Variants in AGBL4 observed in about 807,000 individuals in gnomAD.
AGBL4 encodes the protein AGBL carboxypeptidase 4.
Under a neutral mutation model 66.4 loss-of-function variants are expected in AGBL4, and 58 were observed. The ratio of observed to expected loss-of-function variants is 0.87; its 90% confidence interval spans 0.71 to 1.09. AGBL4 has a LOEUF of 1.09. Among genes scored for constraint, AGBL4 ranks in the 50% least tolerant of loss-of-function variants. The probability of loss-of-function intolerance (pLI) is 0.00; values close to 1 mark genes in which losing one functional copy is unlikely to be tolerated. For synonymous variants in AGBL4, 234 were observed against 222.9 expected, an observed-to-expected ratio of 1.05 and a Z score of -0.44; for missense variants, 579 against 631.0, an observed-to-expected ratio of 0.92 and a Z score of 0.88.
chr1:49,759,392 C>T (rs1362961162), intron 2 of AGBL4, among the ~76,000 whole-genome samples: 1 of 152,138 alleles, frequency 6.6e-6, no homozygotes, highest in Non-Finnish European at 1.5e-5. Flanking sequence ...TTAAGGTCAT[C>T]AAAAATAAAA....
rs1324496930 is a variant in AGBL4, at chr1:49,576,229, C to A, written c.282+121084G>T. 2.0e-5 allele frequency among the ~76,000 whole-genome samples: 3 copies of A among 152,184 alleles called. No individual in the cohort carries two copies. The South Asian group carries it at 6.2e-4, about 31-fold the overall frequency. On this transcript the variant is annotated intron_variant, in intron 3 of 13. Transcript: ENST00000371839. ...CACATTTGGGTTTGTTACTCTGCCC[C>A]ATTTATTGAGTAACAGAAAATGCTG...
At position 49,720,170 on chromosome 1, in the gene AGBL4, AAAAATGC is replaced by A. The variant is rs1336648360; in HGVS notation, c.158-22740_158-22734del. 2.0e-3 allele frequency among the ~76,000 whole-genome samples: 312 copies of A among 152,222 alleles called. 4 individuals carry two copies. The highest frequency in any genetic ancestry group is 7.0e-3 in the African/African-American group (290 of 41,550). ...ATTATAGGTTGAGCATCCCAAATATAAAAATGCAAAATCCAAAATCCAAAATCCAAAA... is the reference window on the plus strand; with the variant it reads ...ATTATAGGTTGAGCATCCCAAATATAAAAATCCAAAATCCAAAATCCAAAA... On this transcript the variant is annotated intron_variant, in intron 2 of 13. Coordinates refer to ENST00000371839, the MANE Select transcript of AGBL4 (RefSeq NM_032785.4).
chr1:49,196,776 T>G (rs1478899193), intron 4 of AGBL4, among the ~76,000 whole-genome samples: 1 of 152,068 alleles, frequency 6.6e-6, no homozygotes, highest in East Asian at 1.9e-4. Flanking sequence ...TTATAATGTA[T>G]TTTTTGTTTG....
At chr1:49,320,700 G>A (rs1008202911) in intron 3 of AGBL4, among the ~76,000 whole-genome samples, 7 of 152,142 alleles carry the variant, frequency 4.6e-5, no homozygotes, top group African/African-American at 1.4e-4. Flanking sequence ...TGGCTTTGAG[G>A]AGCGTGACTC....
chr1:49,083,253 ACT>A (rs1644839058), intron 4 of AGBL4, among the ~76,000 whole-genome samples: 1 of 151,860 alleles, frequency 6.6e-6, no homozygotes, highest in African/African-American at 2.4e-5. Context: ...CCCAGTGGGG[ACT>A]CTGCGTTGGG....
chr1:48,592,294 GAAGAA>G (rs1169822261), intron 9 of AGBL4, among the ~76,000 whole-genome samples: 1 of 152,192 alleles, frequency 6.6e-6, no homozygotes, highest in Non-Finnish European at 1.5e-5. Flanking sequence ...TCCTGGGAAA[GAAGAA>G]AAGTGCACAT....
chr1:49,272,154 G>A (rs777819462), intron 3 of AGBL4, among the ~76,000 whole-genome samples: 30 of 152,096 alleles, frequency 2.0e-4, no homozygotes, highest in African/African-American at 4.6e-4. Context: ...TCTTTATAAC[G>A]GAGTAAAATA....
intron 3 of AGBL4, among the ~76,000 whole-genome samples, chr1:49,444,588 T>C (rs1296024437): frequency 6.6e-6 from 1 of 152,044 alleles, no homozygotes; most frequent in Non-Finnish European, 1.5e-5. Context: ...TTACAAGTAT[T>C]GCTACTCCTG....
chr1:49,849,414 AT>A lies in AGBL4; in HGVS notation c.157+1981del, dbSNP rs1225620335. 1.5e-3 allele frequency among the ~76,000 whole-genome samples: 188 copies of A among 125,968 alleles called. 2 individuals carry two copies. The highest frequency in any genetic ancestry group is 4.4e-3 in the Middle Eastern group (1 of 228). The allele number at this position is 125,968 out of a possible 152,430, so 82.6% of individuals were successfully genotyped here. ...CTAATTTATTATTATTATTATTATT[AT>A]TATTATTATTATTATTATGTATATT... On this transcript the variant is annotated intron_variant, in intron 2 of 13. Coordinates refer to ENST00000371839, the MANE Select transcript of AGBL4 (RefSeq NM_032785.4).
chr1:49,619,294 C>A (rs548353086), intron 3 of AGBL4, among the ~76,000 whole-genome samples: 1 of 152,086 alleles, frequency 6.6e-6, no homozygotes, highest in African/African-American at 2.4e-5. Context: ...AACCAATGTG[C>A]AAAAACCACA....
intron 6 of AGBL4, among the ~76,000 whole-genome samples, chr1:48,818,872 T>C (rs777811420): frequency 6.6e-6 from 1 of 152,154 alleles, no homozygotes; most frequent in African/African-American, 2.4e-5. Flanking sequence ...CATATATTGA[T>C]TGGCAAGCAG....
intron 6 of AGBL4, among the ~76,000 whole-genome samples, chr1:48,670,710 C>T (rs1241683884): frequency 6.6e-6 from 1 of 152,200 alleles, no homozygotes; most frequent in Non-Finnish European, 1.5e-5. Flanking sequence ...TAAATAGGGG[C>T]AGGCTCCTTC....
At chr1:49,673,867 T>G (rs1290964748) in intron 3 of AGBL4, among the ~76,000 whole-genome samples, 1 of 151,876 alleles carries the variant, frequency 6.6e-6, no homozygotes, top group East Asian at 1.9e-4. Context: ...GGAGAAGAAG[T>G]GCCTAATTCT....
intron 3 of AGBL4, among the ~76,000 whole-genome samples, chr1:49,296,891 C>T (rs1194001180): frequency 1.3e-5 from 2 of 152,158 alleles, no homozygotes; most frequent in African/African-American, 4.8e-5. Flanking sequence ...GTTGCTTTTG[C>T]AGAAGATAAT....
intron 3 of AGBL4, among the ~76,000 whole-genome samples, chr1:49,666,354 C>T (rs1571288328): frequency 1.3e-5 from 2 of 152,080 alleles, no homozygotes; most frequent in East Asian, 3.9e-4. Flanking sequence ...CATTTGAGGT[C>T]AGGTGTTGCG....
chr1:49,235,606 ATC>A (rs1478043824), intron 4 of AGBL4, among the ~76,000 whole-genome samples: 2 of 152,210 alleles, frequency 1.3e-5, no homozygotes, highest in South Asian at 2.1e-4. Context: ...ATGAATAATA[ATC>A]TCTATTTTAT....
chr1:49,850,389 A>T (rs1467252466), intron 2 of AGBL4, among the ~76,000 whole-genome samples: 3 of 152,182 alleles, frequency 2.0e-5, no homozygotes. Flanking sequence ...TGCTAATCTC[A>T]GACTTCTAAT....
intron 2 of AGBL4, among the ~76,000 whole-genome samples, chr1:49,776,579 C>CT (rs1644204020): frequency 1.3e-5 from 2 of 152,130 alleles, no homozygotes; most frequent in South Asian, 4.1e-4. Flanking sequence ...CATTTCAGAG[C>CT]TTTTTTTATG....
At chr1:49,271,400 T>A (rs193158383) in intron 3 of AGBL4, among the ~76,000 whole-genome samples, 23 of 151,896 alleles carry the variant, frequency 1.5e-4, no homozygotes, top group Admixed American at 3.3e-4. Context: ...AAAAAAAAAT[T>A]CAAAAGCCAG....
Sources: allele counts gnomAD v4.1 joint callset (sites outside exome capture counted in the v4.1 genomes callset), GRCh38; gene constraint gnomAD v4.1.1; transcripts MANE v1.5; gene names NCBI Gene and HGNC (gene_info 2026-07-23, HGNC 2026-07-21).